LRRK2: variants seen among roughly 807,000 people sequenced by gnomAD.
The protein encoded by LRRK2 is leucine rich repeat kinase 2, also known as leucine-rich repeat serine/threonine-protein kinase 2.
Under a neutral mutation model 302.6 loss-of-function variants are expected in LRRK2, and 203 were observed. The observed-to-expected ratio is 0.67, with a 90% CI of 0.60 to 0.75. The LOEUF (loss-of-function observed/expected upper bound fraction) is 0.75. Ranked by LOEUF, LRRK2 falls within the 30% of genes least tolerant of loss-of-function variation. The probability of loss-of-function intolerance (pLI) is 0.00; values close to 1 mark genes in which losing one functional copy is unlikely to be tolerated. For synonymous variants in LRRK2, 1,066 were observed against 1,031.9 expected (o/e 1.03, Z -0.63); for missense variants, 2,830 against 2,951.0 (o/e 0.96, Z 0.95).
intron 41 of LRRK2, among the ~76,000 whole-genome samples, chr12:40,345,642 A>AAAAG (rs1565768223): frequency 2.0e-5 from 3 of 150,692 alleles, no homozygotes; most frequent in African/African-American, 7.3e-5. Flanking sequence ...AAAAAAAAAA[A>AAAAG]AAAGAAAGAA....
intron 16 of LRRK2, among the ~76,000 whole-genome samples, chr12:40,275,976 C>G (rs573688838): frequency 6.6e-6 from 1 of 152,092 alleles, no homozygotes; most frequent in African/African-American, 2.4e-5. Context: ...GGTCTCTAAT[C>G]TTTGCACAGA....
In LRRK2 at chr12:40,363,651, A is replaced by G. The variant is rs535585380; in HGVS notation, c.7181+97A>G. 6 of 1,371,496 alleles carry G rather than the reference A, an allele frequency of 4.4e-6. No individual in the cohort carries two copies. The East Asian group carries it at 1.5e-4, about 34-fold the overall frequency. The allele number at this position is 1,371,496 out of a possible 1,614,324, so 85.0% of individuals were successfully genotyped here. A position where few individuals can be genotyped will look rare whatever the true frequency, so the allele number is the denominator to read the frequency against. Reference sequence around the variant, plus strand: ...TTTTTCTTCCTTTCTGCCTCTGAATAGAGAATTTTTTTAAAATGCAGAAAA... The same window carrying G: ...TTTTTCTTCCTTTCTGCCTCTGAATGGAGAATTTTTTTAAAATGCAGAAAA... On this transcript the variant is annotated intron_variant, in intron 48 of 50. Transcript: ENST00000298910.
intron 33 of LRRK2, among the ~76,000 whole-genome samples, chr12:40,316,027 T>C (rs1945206526): frequency 2.6e-5 from 4 of 152,038 alleles, no homozygotes; most frequent in Admixed American, 2.6e-4. Context: ...TAGTATCCTC[T>C]AGCTGTGACA....
intron 38 of LRRK2, among the ~76,000 whole-genome samples, chr12:40,327,179 A>T (rs1945578969): frequency 6.6e-6 from 1 of 152,158 alleles, no homozygotes; most frequent in Non-Finnish European, 1.5e-5. Flanking sequence ...GGGGCTGATC[A>T]TGGTCAGTTT....
intron 49 of LRRK2, 107 bp downstream of exon 49, chr12:40,365,157 T>A: frequency 2.0e-6 from 2 of 993,272 alleles, no homozygotes; most frequent in Non-Finnish European, 3.1e-6. Flanking sequence ...ATATGGATGG[T>A]CTTGGAGGGT....
At position 40,274,594 on chromosome 12, in the gene LRRK2, T is replaced by A; in HGVS notation, c.1668T>A (p.Asn556Lys). 6.2e-7 allele frequency: 1 copy of A among 1,613,880 alleles called. No individual in the cohort carries two copies. The highest frequency in any genetic ancestry group is 8.5e-7 in the Non-Finnish European group (1 of 1,179,856). ...VLAALNRFIG[N>K]PGIQKCGLKV... ...TCTTTTGATTTTAGTTCATTGGAAATCCTGGGATTCAGAAATGTGGATTAA... is the reference window on the plus strand; with the variant it reads ...TCTTTTGATTTTAGTTCATTGGAAAACCTGGGATTCAGAAATGTGGATTAA... Residue 556 changes from asparagine (N) to lysine (K), a missense_variant, in exon 15 of 51, where the codon AAT becomes AAA. Physicochemically the swap from Asn to Lys is moderately conservative, Grantham distance 94. This residue lies in a region of LRRK2 where 2,121 missense variants were observed against 2,148.0 expected (regional missense o/e 0.99). Coordinates refer to ENST00000298910, the MANE Select transcript of LRRK2 (RefSeq NM_198578.4).
At chr12:40,328,763 C>T (rs1413292546) in intron 39 of LRRK2, among the ~76,000 whole-genome samples, 1 of 152,060 alleles carries the variant, frequency 6.6e-6, no homozygotes, top group Non-Finnish European at 1.5e-5. Context: ...AAAATGTGCT[C>T]CATGGACAAG....
At chr12:40,229,955 C>CTTTTTTTTTTTTT (rs71078229) in intron 2 of LRRK2, among the ~76,000 whole-genome samples, 1 of 92,926 alleles carries the variant, frequency 1.1e-5, no homozygotes, top group African/African-American at 3.8e-5. Context: ...TCCTATGTGA[C>CTTTTTTTTTTTTT]TTTTTTTTTT....
At chr12:40,298,886 CTTATTATATATATACT>C (rs1944508531) in intron 24 of LRRK2, among the ~76,000 whole-genome samples, 1 of 7,788 alleles carries the variant, frequency 1.3e-4, no homozygotes, top group African/African-American at 4.9e-4. Context: ...ATATATAATA[CTTATTATATATATACT>C]ATATATAATA....
intron 7 of LRRK2, among the ~76,000 whole-genome samples, chr12:40,249,265 G>T (rs1942147712): frequency 6.6e-6 from 1 of 151,554 alleles, no homozygotes; most frequent in African/African-American, 2.4e-5. Flanking sequence ...AGAAGAGTGG[G>T]TATAAAAAGG....
intron 11 of LRRK2, 53 bp downstream of exon 11, chr12:40,253,069 T>G (rs1008546827): frequency 8.2e-7 from 1 of 1,221,928 alleles, no homozygotes; most frequent in African/African-American, 1.5e-5. Context: ...TTGTGGTATT[T>G]TTAATTATAG....
At chr12:40,324,337 T>G (rs1945485954) in intron 38 of LRRK2, among the ~76,000 whole-genome samples, 1 of 152,206 alleles carries the variant, frequency 6.6e-6, no homozygotes. Context: ...CTATTTAACA[T>G]ATACATTATC....
Position 40,287,437 on chromosome 12 carries a change from A to G in LRRK2, c.2587A>G (p.Asn863Asp), listed in dbSNP as rs759219386. The G allele has an allele frequency of 6.2e-7, 1 of 1,612,806 alleles. No homozygotes were observed. The highest frequency in any genetic ancestry group is 1.3e-5 in the African/African-American group (1 of 74,962). Residue 863 changes from asparagine to aspartate, a missense_variant, in exon 20 of 51, where the codon AAT (asparagine) becomes GAT (aspartate). By Grantham distance (23) the Asn-to-Asp change is conservative. This residue lies in a region of LRRK2 where 2,121 missense variants were observed against 2,148.0 expected (regional missense o/e 0.99). Coordinates refer to ENST00000298910, the MANE Select transcript of LRRK2 (RefSeq NM_198578.4). ...AGGAACAGCCTCAGGCAGCGATGGAAATTTTTCTGAAGATGTGCTGTCTAA... is the reference window on the plus strand; with the variant it reads ...AGGAACAGCCTCAGGCAGCGATGGAGATTTTTCTGAAGATGTGCTGTCTAA... ...EEGTASGSDGNFSEDVLSKFD... is the reference protein window; with the variant it reads ...EEGTASGSDGDFSEDVLSKFD...
chr12:40,309,582 A>C (rs1236100650), intron 30 of LRRK2, among the ~76,000 whole-genome samples: 1 of 152,128 alleles, frequency 6.6e-6, no homozygotes, highest in Non-Finnish European at 1.5e-5. Context: ...AGCAATCTAT[A>C]TATATATATC....
intron 8 of LRRK2, among the ~76,000 whole-genome samples, chr12:40,250,234 G>A (rs1942192582): frequency 1.3e-5 from 2 of 152,150 alleles, no homozygotes; most frequent in African/African-American, 4.8e-5. Context: ...GCTCACGCCT[G>A]TAATCTCAGA....
Position 40,367,045 on chromosome 12 carries a change from G to A in LRRK2, c.7430G>A (p.Arg2477Gln), listed in dbSNP as rs146428335. The A allele has an allele frequency of 2.0e-4, 321 of 1,607,802 alleles. No individual in the cohort carries two copies. The highest frequency in any genetic ancestry group is 2.5e-4 in the East Asian group (11 of 44,548). Residue 2477 changes from arginine to glutamine, a missense_variant, in exon 50 of 51, where the codon CGG becomes CAG. Physicochemically the swap from Arg to Gln is conservative, Grantham distance 43 (BLOSUM62 1). Around this residue, in one of 3 missense-constraint regions of LRRK2, gnomAD observed 456 missense variants for 456.3 expected, o/e 1.00. Coordinates refer to ENST00000298910, the MANE Select transcript of LRRK2 (RefSeq NM_198578.4). ...KNVMLVLGYN[R>Q]KNTEGTQKQK... The stretch of plus-strand genomic sequence containing the variant: ...GTCATGCTGGTATTGGGCTACAACC[G>A]GAAAAATACTGAAGGTACACAAAAG...
chr12:40,237,217 G>C (rs1442560653), intron 4 of LRRK2, among the ~76,000 whole-genome samples: 3 of 152,182 alleles, frequency 2.0e-5, no homozygotes, highest in Admixed American at 6.5e-5. Flanking sequence ...AGTCGGTTGT[G>C]TGAAAGGTCT....
Position 40,293,670 on chromosome 12 carries a change from T to C in LRRK2, c.2808+7T>C. 1 of 1,555,922 alleles carries C rather than the reference T, an allele frequency of 6.4e-7. No individual in the cohort carries two copies. The highest frequency in any genetic ancestry group is 8.9e-7 in the Non-Finnish European group (1 of 1,127,940). On this transcript the variant is annotated splice_region_variant and intron_variant, in intron 21 of 50. Coordinates refer to ENST00000298910, the MANE Select transcript of LRRK2 (RefSeq NM_198578.4). ...AAGACATTCCAATTCCTTGGTAAGT[T>C]AAATTGTGCAATTGTGATTATGTTG...
chr12:40,225,332 C>A, intron 1 of LRRK2, 50 bp downstream of exon 1: 2 of 1,601,336 alleles, frequency 1.2e-6, no homozygotes, highest in South Asian at 1.1e-5. Flanking sequence ...ACTTTCTCCC[C>A]CTCCTTACAT....
Sources: gnomAD v4.1 joint callset for allele counts (sites outside exome capture counted in the v4.1 genomes callset) on GRCh38, gnomAD v4.1.1 for gene constraint, gnomAD v4.1.1 regional missense constraint, MANE v1.5 for transcripts, NCBI Gene and HGNC (gene_info 2026-07-23, HGNC 2026-07-21) for gene names.